Variants in NIPAL2 observed in about 807,000 individuals in gnomAD.
NIPAL2 encodes NIPA like domain containing 2, also known as NIPA-like protein 2.
Under a neutral mutation model 48.9 loss-of-function variants are expected in NIPAL2, and 43 were observed. The observed-to-expected ratio is 0.88, with a 90% CI of 0.69 to 1.13. NIPAL2 has a LOEUF of 1.13. Ranked by LOEUF, NIPAL2 falls within the 50% of genes most tolerant of loss-of-function variation. The probability of loss-of-function intolerance (pLI) is 0.00; values close to 1 mark genes in which losing one functional copy is unlikely to be tolerated. For missense variants in NIPAL2, 446 were observed against 461.4 expected (o/e 0.97, Z 0.31); for synonymous variants, 167 against 174.6 (o/e 0.96, Z 0.34).
At chr8:98,194,673 T>A in intron 10 of NIPAL2, 55 bp downstream of exon 10, 1 of 933,972 alleles carries the variant, frequency 1.1e-6, no homozygotes, top group Non-Finnish European at 1.6e-6. Flanking sequence ...ATAATACCAA[T>A]AACTATTCAT....
chr8:98,270,819 T>C lies in NIPAL2; in HGVS notation c.136-16732A>G, dbSNP rs534712751. ...TTCCTAGGTTTTCTTCTCATGCTTTTTATAGTTTGAGAGGTCTTACATTTA... is the reference window on the plus strand; with the variant it reads ...TTCCTAGGTTTTCTTCTCATGCTTTCTATAGTTTGAGAGGTCTTACATTTA... On this transcript the variant is annotated intron_variant, in intron 1 of 10. Transcript: ENST00000430223. 1.4e-4 allele frequency among the ~76,000 whole-genome samples: 22 copies of C among 152,276 alleles called. No homozygotes were observed. In the South Asian group the frequency reaches 4.3e-3, roughly 30 times the overall value.
At chr8:98,237,784 T>C (rs957444990) in intron 3 of NIPAL2, among the ~76,000 whole-genome samples, 8 of 152,202 alleles carry the variant, frequency 5.3e-5, no homozygotes, top group Non-Finnish European at 1.2e-4. Flanking sequence ...GACTCAAGTG[T>C]CACCTCTGGA....
intron 1 of NIPAL2, among the ~76,000 whole-genome samples, chr8:98,270,264 G>T (rs1815046393): frequency 6.6e-6 from 1 of 152,180 alleles, no homozygotes; most frequent in Admixed American, 6.5e-5. Context: ...TCTCCAAACT[G>T]CTTTCCACAG....
intron 1 of NIPAL2, among the ~76,000 whole-genome samples, chr8:98,293,631 T>TG (rs1256437827): frequency 5.3e-5 from 8 of 152,186 alleles, no homozygotes; most frequent in Non-Finnish European, 1.0e-4. Flanking sequence ...AAAAGGATCC[T>TG]GGGGTGAAAA....
chr8:98,294,204 C>G lies in NIPAL2; in HGVS notation c.-67G>C, dbSNP rs1816653022. On this transcript the variant is annotated 5_prime_UTR_variant, in exon 1 of 11. Coordinates refer to ENST00000430223, the MANE Select transcript of NIPAL2 (RefSeq NM_001321635.2). ...GCCGCCTCCCCGCCCTGTTGCACCG[C>G]GAGGAGGCCGCGCCGCAGCCACTTC... 3 of 1,220,634 alleles carry G rather than the reference C, an allele frequency of 2.5e-6. No individual in the cohort carries two copies. The highest frequency in any genetic ancestry group is 8.9e-5 in the Admixed American group (2 of 22,580). 75.6% of individuals were successfully genotyped at this position (1,220,634 alleles called of 1,614,324 possible).
At position 98,240,883 on chromosome 8, in the gene NIPAL2, C is replaced by T. The variant is rs536014452; in HGVS notation, c.377-4669G>A. Among the ~76,000 whole-genome samples, 74 of 152,210 alleles carry T rather than the reference C, an allele frequency of 4.9e-4. 1 individual carries two copies. In the South Asian group the frequency reaches 0.014, roughly 29 times the overall value. ...CACCTGGGTTTGAGTGTTGCTCTGTCCAGAACCAGCTATGGAATACAGCAC... is the reference window on the plus strand; with the variant it reads ...CACCTGGGTTTGAGTGTTGCTCTGTTCAGAACCAGCTATGGAATACAGCAC... On this transcript the variant is annotated intron_variant, in intron 3 of 10. Coordinates refer to ENST00000430223, the MANE Select transcript of NIPAL2 (RefSeq NM_001321635.2).
rs1460711595 is a variant in NIPAL2 at position 98,191,949 on chromosome 8, G to T, written c.*1029C>A. ...ATCACAACTCTCCTTTTATCTAGAAGAATTTACAAAGCTTGAGGTAATGAC... is the reference window on the plus strand; with the variant it reads ...ATCACAACTCTCCTTTTATCTAGAATAATTTACAAAGCTTGAGGTAATGAC... On this transcript the variant is annotated 3_prime_UTR_variant, in exon 11 of 11. Transcript: ENST00000430223. 6.6e-6 allele frequency: 1 copy of T among 152,120 alleles called. No homozygotes were observed. The highest frequency in any genetic ancestry group is 1.5e-5 in the Non-Finnish European group (1 of 68,024). The allele number at this position is 152,120 out of a possible 1,614,324, so 9.4% of individuals were successfully genotyped here. A position where few individuals can be genotyped will look rare whatever the true frequency, so the allele number is the denominator to read the frequency against.
chr8:98,286,175 G>C (rs1272303696), intron 1 of NIPAL2, among the ~76,000 whole-genome samples: 1 of 152,186 alleles, frequency 6.6e-6, no homozygotes, highest in African/African-American at 2.4e-5. Flanking sequence ...GCCCTTACCA[G>C]ATGCAGCCCC....
At chr8:98,259,354 C>T (rs1171926178) in intron 1 of NIPAL2, among the ~76,000 whole-genome samples, 3 of 152,044 alleles carry the variant, frequency 2.0e-5, no homozygotes, top group African/African-American at 4.8e-5. Context: ...GGATTACAGG[C>T]GTGAGCCACC....
At chr8:98,261,677 G>C (rs1356007699) in intron 1 of NIPAL2, among the ~76,000 whole-genome samples, 1 of 138,772 alleles carries the variant, frequency 7.2e-6, no homozygotes, top group Non-Finnish European at 1.5e-5. Context: ...GTGATGGGGA[G>C]AATGGAACCA....
intron 1 of NIPAL2, among the ~76,000 whole-genome samples, chr8:98,287,415 G>C (rs1816243275): frequency 1.3e-5 from 2 of 152,186 alleles, no homozygotes; most frequent in Non-Finnish European, 2.9e-5. Flanking sequence ...GACTGAAAGG[G>C]AGGCAAACAT....
chr8:98,210,648 G>A (rs186403559), intron 6 of NIPAL2, among the ~76,000 whole-genome samples: 1 of 152,054 alleles, frequency 6.6e-6, no homozygotes, highest in African/African-American at 2.4e-5. Context: ...CTTTATATGG[G>A]TTTCTGTCTA....
intron 3 of NIPAL2, among the ~76,000 whole-genome samples, chr8:98,237,511 G>A (rs989151582): frequency 6.6e-6 from 1 of 151,492 alleles, no homozygotes. Flanking sequence ...CAGAGTAATC[G>A]CTCTAAAATG....
At chr8:98,277,615 C>G (rs1203509829) in intron 1 of NIPAL2, among the ~76,000 whole-genome samples, 1 of 152,142 alleles carries the variant, frequency 6.6e-6, no homozygotes, top group Non-Finnish European at 1.5e-5. Context: ...CCCATTCCCT[C>G]CTCCCCACAG....
chr8:98,236,485 A>G (rs547644901), intron 3 of NIPAL2, among the ~76,000 whole-genome samples: 2 of 152,264 alleles, frequency 1.3e-5, no homozygotes, highest in South Asian at 4.1e-4. Context: ...AGAACAAATG[A>G]AAGAAAGAAG....
intron 1 of NIPAL2, among the ~76,000 whole-genome samples, chr8:98,288,085 A>C (rs1019030554): frequency 6.6e-6 from 1 of 151,986 alleles, no homozygotes; most frequent in Non-Finnish European, 1.5e-5. Flanking sequence ...ACATGTGCAC[A>C]TTGTGCAGGT....
intron 8 of NIPAL2, among the ~76,000 whole-genome samples, chr8:98,201,369 CTTTA>C (rs1810791070): frequency 6.6e-6 from 1 of 152,056 alleles, no homozygotes; most frequent in South Asian, 2.1e-4. Flanking sequence ...CCTAGAAAAT[CTTTA>C]TTTATTTATT....
At chr8:98,259,542 T>G (rs1205429081) in intron 1 of NIPAL2, among the ~76,000 whole-genome samples, 2 of 152,174 alleles carry the variant, frequency 1.3e-5, no homozygotes, top group African/African-American at 4.8e-5. Flanking sequence ...CCTCCCTATA[T>G]CCGTGCCCTT....
Position 98,193,031 on chromosome 8 carries a change from G to A in NIPAL2, c.1099C>T (p.Pro367Ser), listed in dbSNP as rs1244420426. ...DSHSLSYGTL[P>S]DGSDSTKSQS... ...CTCTTTGTTGAGTCACTTCCATCAGGCAAAGTTCCATAGGATAAGCTATGT... is the reference window on the plus strand; with the variant it reads ...CTCTTTGTTGAGTCACTTCCATCAGACAAAGTTCCATAGGATAAGCTATGT... Residue 367 changes from proline to serine, a missense_variant, in exon 11 of 11, where the codon CCT (proline) becomes TCT (serine). Transcript: ENST00000430223. The A allele has an allele frequency of 1.9e-6, 3 of 1,613,838 alleles. No individual in the cohort carries two copies. Among genetic ancestry groups the A allele is most frequent in the Non-Finnish European group, 2.5e-6 (3 of 1,179,948 alleles).
Sources: allele counts gnomAD v4.1 joint callset (sites outside exome capture counted in the v4.1 genomes callset), GRCh38; gene constraint gnomAD v4.1.1; transcripts MANE v1.5; gene names NCBI Gene and HGNC (gene_info 2026-07-23, HGNC 2026-07-21).